Variants in ZNF714 observed in about 807,000 individuals in gnomAD.
ZNF714 encodes zinc finger protein 714.
In ZNF714, 32 loss-of-function variants were observed where a neutral mutation model predicts 46.2. The observed-to-expected ratio is 0.69, with a 90% CI of 0.52 to 0.93. The LOEUF is 0.93. Among genes scored for constraint, ZNF714 ranks in the 40% least tolerant of loss-of-function variants. The pLI is 0.00. For missense variants in ZNF714, 635 were observed against 646.3 expected (o/e 0.98, Z 0.19); for synonymous variants, 199 against 213.1 (o/e 0.93, Z 0.58).
chr19:21,083,097 G>A (rs1968695105), intron 1 of ZNF714, among the ~76,000 whole-genome samples: 1 of 151,862 alleles, frequency 6.6e-6, no homozygotes, highest in African/African-American at 2.4e-5. Flanking sequence ...GAGTGCAATG[G>A]GGCGATCTTG....
chr19:21,123,258 T>G lies in ZNF714; in HGVS notation c.*4926T>G, dbSNP rs1280134857. 2 of 152,170 alleles carry G rather than the reference T, an allele frequency of 1.3e-5. No homozygotes were observed. The highest frequency in any genetic ancestry group is 2.9e-5 in the Non-Finnish European group (2 of 68,028). 9.4% of individuals were successfully genotyped at this position (152,170 alleles called of 1,614,324 possible). On this transcript the variant is annotated 3_prime_UTR_variant, in exon 5 of 5. Transcript: ENST00000456283. ...TAAAAGAAAAATCTTATTAGATTCT[T>G]ATACAAAGTGTGGCAAATATAAAAC...
chr19:21,098,375 A>C, intron 3 of ZNF714, 64 bp downstream of exon 3: 1 of 1,565,566 alleles, frequency 6.4e-7, no homozygotes, highest in African/African-American at 1.4e-5. Context: ...CTTTTTTTGT[A>C]GAATTTTCTT....
At chr19:21,108,030 CT>C (rs1415914811) in intron 4 of ZNF714, among the ~76,000 whole-genome samples, 4 of 152,164 alleles carry the variant, frequency 2.6e-5, no homozygotes, top group Non-Finnish European at 5.9e-5. Context: ...CTCAAGCGAT[CT>C]TTCCACCTCA....
chr19:21,092,812 T>C (rs1005353509), intron 2 of ZNF714, among the ~76,000 whole-genome samples: 6 of 151,964 alleles, frequency 3.9e-5, no homozygotes, highest in Non-Finnish European at 8.8e-5. Flanking sequence ...TTAGCTCTTA[T>C]CAATGAGAAC....
chr19:21,108,165 C>T (rs1692601863), intron 4 of ZNF714, among the ~76,000 whole-genome samples: 2 of 152,190 alleles, frequency 1.3e-5, no homozygotes, highest in Admixed American at 1.3e-4. Context: ...TGTCAATCTT[C>T]TGATCCCAAG....
Position 21,122,038 on chromosome 19 carries a change from A to G in ZNF714, c.*3706A>G, listed in dbSNP as rs997887883. The stretch of plus-strand genomic sequence containing the variant: ...CATTTTGTTCTTTTAAGGGGAGAAC[A>G]ATATATAAGTTTTCTTTTCTTTAGT... On this transcript the variant is annotated 3_prime_UTR_variant, in exon 5 of 5. Coordinates refer to ENST00000456283, the MANE Select transcript of ZNF714 (RefSeq NM_182515.4). 4 of 152,210 alleles carry G rather than the reference A, an allele frequency of 2.6e-5. No individual in the cohort carries two copies. Among genetic ancestry groups the G allele is most frequent in the African/African-American group, 4.8e-5 (2 of 41,456 alleles). 9.4% of individuals were successfully genotyped at this position (152,210 alleles called of 1,614,324 possible).
chr19:21,113,745 G>A (rs921724147), intron 4 of ZNF714, among the ~76,000 whole-genome samples: 5 of 151,934 alleles, frequency 3.3e-5, no homozygotes, highest in Non-Finnish European at 5.9e-5. Context: ...CTTGAGTTCA[G>A]GCAATCCACC....
chr19:21,089,679 G>A (rs181393944), intron 2 of ZNF714, among the ~76,000 whole-genome samples: 7 of 152,296 alleles, frequency 4.6e-5, no homozygotes, highest in Non-Finnish European at 8.8e-5. Flanking sequence ...AAGGGTCCTA[G>A]GCCTGCATTC....
rs1046388242 is a variant in ZNF714, at chr19:21,122,206, G to T, written c.*3874G>T. The T allele has an allele frequency of 6.6e-6, 1 of 152,178 alleles. No homozygotes were observed. Among genetic ancestry groups the T allele is most frequent in the African/African-American group, 2.4e-5 (1 of 41,448 alleles). The allele number at this position is 152,178 out of a possible 1,614,324, so 9.4% of individuals were successfully genotyped here. ...GCAAACATACATTACAGTTCTTACT[G>T]TGTAATCGATGCTCCATAATAATTC... On this transcript the variant is annotated 3_prime_UTR_variant, in exon 5 of 5. Transcript: ENST00000456283.
chr19:21,101,619 G>C (rs1969182105), intron 4 of ZNF714, among the ~76,000 whole-genome samples: 1 of 152,118 alleles, frequency 6.6e-6, no homozygotes, highest in Non-Finnish European at 1.5e-5. Context: ...ATGAACTGTG[G>C]CTCAGAGAGC....
At chr19:21,082,974 T>C (rs997705972) in intron 1 of ZNF714, among the ~76,000 whole-genome samples, 1 of 152,162 alleles carries the variant, frequency 6.6e-6, no homozygotes, top group Non-Finnish European at 1.5e-5. Context: ...ATTGGCAGTT[T>C]ATAGTTGGTT....
At chr19:21,087,065 A>G (rs150662335) in intron 2 of ZNF714, among the ~76,000 whole-genome samples, 4 of 152,256 alleles carry the variant, frequency 2.6e-5, no homozygotes, top group African/African-American at 9.6e-5. Context: ...ATGAATACTG[A>G]AAGTTTTTTC....
chr19:21,091,925 A>G (rs1248406393), intron 2 of ZNF714, among the ~76,000 whole-genome samples: 2 of 152,162 alleles, frequency 1.3e-5, no homozygotes, highest in Non-Finnish European at 2.9e-5. Flanking sequence ...TAAGCCCTGA[A>G]TCAGGGTCTG....
chr19:21,106,412 T>C (rs977825350), intron 4 of ZNF714, among the ~76,000 whole-genome samples: 4 of 151,436 alleles, frequency 2.6e-5, no homozygotes, highest in Admixed American at 1.3e-4. Flanking sequence ...CTACTAAAAA[T>C]ACAAAAATTA....
At chr19:21,106,365 C>T (rs996017088) in intron 4 of ZNF714, among the ~76,000 whole-genome samples, 7 of 151,656 alleles carry the variant, frequency 4.6e-5, no homozygotes, top group Non-Finnish European at 8.8e-5. Context: ...GTCGGGAGTT[C>T]GAGACCAGCC....
chr19:21,101,761 G>A (rs1254201688), intron 4 of ZNF714, among the ~76,000 whole-genome samples: 1 of 152,184 alleles, frequency 6.6e-6, no homozygotes, highest in East Asian at 1.9e-4. Flanking sequence ...ACTGTAACTG[G>A]GAGGAGTTTG....
Position 21,098,282 on chromosome 19 carries a change from T to A in ZNF714, c.14T>A (p.Leu5Ter). 1 of 1,613,278 alleles carries A rather than the reference T, an allele frequency of 6.2e-7. No individual in the cohort carries two copies. The highest frequency in any genetic ancestry group is 2.2e-5 in the East Asian group (1 of 44,858). Residue 5 changes from leucine to a stop codon, truncating the protein, a stop_gained, in exon 3 of 5, where the codon TTA (leucine) becomes TAA (stop). Transcript: ENST00000456283. LOFTEE classifies it high-confidence loss of function. MNVM[L>*]ENYKNLVFLA... is the part of the protein sequence containing the mutation. ...CAGAATTTATATATGAATGTGATGT[T>A]AGAGAACTACAAAAACCTGGTCTTC...
intron 4 of ZNF714, among the ~76,000 whole-genome samples, chr19:21,100,435 G>C (rs1413221608): frequency 1.3e-5 from 2 of 151,916 alleles, no homozygotes; most frequent in Non-Finnish European, 2.9e-5. Context: ...AGGAGGCTAA[G>C]GCAGGAGAAT....
rs1969762504 is a variant in ZNF714 at position 21,124,551 on chromosome 19, G to A, written c.*6219G>A. Among the ~76,000 whole-genome samples, 1 of 152,162 alleles carries A rather than the reference G, an allele frequency of 6.6e-6. No homozygotes were observed. Among genetic ancestry groups the A allele is most frequent in the African/African-American group, 2.4e-5 (1 of 41,434 alleles). ...CTTTTTCTGTAGAACATATTTTGAA[G>A]TATATATACATTGTTATTATTTCTA... is the stretch of plus-strand genomic sequence containing the variant. On this transcript the variant is annotated 3_prime_UTR_variant, in exon 5 of 5. Transcript: ENST00000456283.
Sources: allele counts gnomAD v4.1 joint callset (sites outside exome capture counted in the v4.1 genomes callset), GRCh38; gene constraint gnomAD v4.1.1; transcripts MANE v1.5; gene names NCBI Gene and HGNC (gene_info 2026-07-23, HGNC 2026-07-21).